Variants in POGZ observed in about 807,000 individuals in gnomAD.
POGZ encodes the protein pogo transposable element with ZNF domain.
A neutral mutation model predicts 134.6 loss-of-function variants in POGZ; 17 were observed. The observed-to-expected ratio is 0.13, with a 90% CI of 0.09 to 0.19. The LOEUF (loss-of-function observed/expected upper bound fraction) is 0.19. Ranked by LOEUF, POGZ falls within the 10% of genes least tolerant of loss-of-function variation. The pLI is 1.00. For synonymous variants in POGZ, 693 were observed against 657.1 expected (o/e 1.05, Z -0.84); for missense variants, 1,306 against 1,769.7 (o/e 0.74, Z 4.70).
At chr1:151,437,272 T>G (rs76725986) in intron 3 of POGZ, among the ~76,000 whole-genome samples, 23 of 151,218 alleles carry the variant, frequency 1.5e-4, no homozygotes, top group African/African-American at 2.9e-4. Flanking sequence ...TCCGTGTGTG[T>G]TTTTTTTTAA....
chr1:151,441,898 T>A (rs1013606595), intron 2 of POGZ, among the ~76,000 whole-genome samples, 183 bp downstream of exon 2: 1 of 152,200 alleles, frequency 6.6e-6, no homozygotes, highest in Non-Finnish European at 1.5e-5. Context: ...AGTTTCTAGC[T>A]ATATGGATGA....
At chr1:151,457,801 C>A (rs1236017758) in intron 1 of POGZ, among the ~76,000 whole-genome samples, 1 of 152,134 alleles carries the variant, frequency 6.6e-6, no homozygotes, top group Non-Finnish European at 1.5e-5. Flanking sequence ...GTAGCACATG[C>A]CTGTAATCCC....
At chr1:151,450,023 ATTTTT>A (rs1171783071) in intron 1 of POGZ, among the ~76,000 whole-genome samples, 11 of 74,326 alleles carry the variant, frequency 1.5e-4, no homozygotes, top group Middle Eastern at 0.011. Flanking sequence ...GTGAAACTTG[ATTTTT>A]TTTTTTTTTT....
At chr1:151,455,310 G>T (rs1027272111) in intron 1 of POGZ, 1 of 152,178 alleles carries the variant, frequency 6.6e-6, no homozygotes, top group Non-Finnish European at 1.5e-5. Flanking sequence ...ACTTCCTCAA[G>T]GTTACAGTTA....
At chr1:151,449,939 A>G (rs899212109) in intron 1 of POGZ, among the ~76,000 whole-genome samples, 5 of 150,678 alleles carry the variant, frequency 3.3e-5, no homozygotes, top group South Asian at 2.1e-4. Flanking sequence ...TCAAATGGTT[A>G]TATCTTGTAT....
At chr1:151,410,673 G>C (rs536056710) in intron 12 of POGZ, among the ~76,000 whole-genome samples, 1 of 152,160 alleles carries the variant, frequency 6.6e-6, no homozygotes, top group Non-Finnish European at 1.5e-5. Flanking sequence ...CTACAACCCA[G>C]AGTTCTCTCA....
intron 1 of POGZ, among the ~76,000 whole-genome samples, chr1:151,457,919 C>T: frequency 7.7e-6 from 1 of 129,630 alleles, no homozygotes; most frequent in East Asian, 2.1e-4. Context: ...AAGAGTGAAA[C>T]TTCGTCTCAA....
At chr1:151,426,511 G>T (rs1356404395) in intron 7 of POGZ, 1 of 152,050 alleles carries the variant, frequency 6.6e-6, no homozygotes, top group South Asian at 2.1e-4. Flanking sequence ...TTTTAAAAAG[G>T]TTGTTTGGGA....
rs1177289550 is a variant in POGZ at position 151,430,719 on chromosome 1, T to C, written c.406A>G (p.Asn136Asp). The change falls in exon 4 of 19, where the codon AAT (asparagine) becomes GAT (aspartate). Residue 136 changes from asparagine (N) to aspartate (D), a missense_variant. Asn to Asp is a conservative substitution (Grantham distance 23, BLOSUM62 1). Around this residue, in one of 10 missense-constraint regions of POGZ, gnomAD observed 541 missense variants for 680.5 expected, o/e 0.80. Transcript: ENST00000271715. ...GCCACAGGGGAACTAGTCACATGAT[T>C]GGCATTCTGCATGACCTGAACAGGC... ...LRPVQVMQNA[N>D]HVTSSPVASQ... The C allele has an allele frequency of 5.6e-6, 9 of 1,610,148 alleles. No individual in the cohort carries two copies. Among genetic ancestry groups the C allele is most frequent in the Non-Finnish European group, 6.8e-6 (8 of 1,178,350 alleles).
At position 151,403,654 on chromosome 1, in the gene POGZ, C is replaced by T. The variant is rs1653086054; in HGVS notation, c.*1148G>A. The T allele has an allele frequency of 1.0e-6, 1 of 984,292 alleles. No homozygotes were observed. The highest frequency in any genetic ancestry group is 1.7e-5 in the African/African-American group (1 of 57,198). The allele number at this position is 984,292 out of a possible 1,614,324, so 61.0% of individuals were successfully genotyped here. On this transcript the variant is annotated 3_prime_UTR_variant, in exon 19 of 19. Coordinates refer to ENST00000271715, the MANE Select transcript of POGZ (RefSeq NM_015100.4). ...TCATGTCATTTTCTTTGTGCACACC[C>T]CTGTGCGCTTCTTCCTGTCAGATTC...
At chr1:151,450,810 C>A (rs1025792614) in intron 1 of POGZ, 6 of 152,096 alleles carry the variant, frequency 3.9e-5, no homozygotes, top group African/African-American at 1.4e-4. Context: ...TTTCTATGTT[C>A]TTCCTCAAAA....
At chr1:151,415,564 G>A (rs1571378163) in intron 10 of POGZ, among the ~76,000 whole-genome samples, 1 of 151,732 alleles carries the variant, frequency 6.6e-6, no homozygotes, top group Admixed American at 6.6e-5. Flanking sequence ...CCAGCTACTC[G>A]GGAGGCTGAG....
intron 3 of POGZ, among the ~76,000 whole-genome samples, chr1:151,431,191 T>C (rs755094978): frequency 6.6e-6 from 1 of 152,072 alleles, no homozygotes; most frequent in Non-Finnish European, 1.5e-5. Context: ...AATCTACAAC[T>C]AACAGAAAAA....
Position 151,410,841 on chromosome 1 carries a change from G to A in POGZ, c.1926+784C>T, listed in dbSNP as rs188148376. On this transcript the variant is annotated intron_variant, in intron 12 of 18. Transcript: ENST00000271715. ...CTCATTCACCCAACTGCCCAAGACA[G>A]AATCTTAGGCACTATTCTTAACTAC... Among the ~76,000 whole-genome samples, 63 of 152,254 alleles carry A rather than the reference G, an allele frequency of 4.1e-4. No homozygotes were observed. In the East Asian group the frequency reaches 8.9e-3, roughly 21 times the overall value.
At chr1:151,444,323 C>T (rs1660970340) in intron 1 of POGZ, among the ~76,000 whole-genome samples, 1 of 152,190 alleles carries the variant, frequency 6.6e-6, no homozygotes, top group Non-Finnish European at 1.5e-5. Flanking sequence ...AAATCCATAT[C>T]ACAGGTATTC....
intron 7 of POGZ, chr1:151,427,387 G>A (rs1657963511): frequency 5.4e-6 from 1 of 185,582 alleles, no homozygotes; most frequent in Non-Finnish European, 1.2e-5. Context: ...TGCAACAGAG[G>A]CTATATATTG....
At chr1:151,432,184 G>A (rs1285162653) in intron 3 of POGZ, among the ~76,000 whole-genome samples, 1 of 151,838 alleles carries the variant, frequency 6.6e-6, no homozygotes, top group Non-Finnish European at 1.5e-5. Flanking sequence ...AACAACAACA[G>A]CAACAACAAC....
chr1:151,412,529 T>G, intron 10 of POGZ, 133 bp from the exon 11 acceptor site: 2 of 595,172 alleles, frequency 3.4e-6, no homozygotes, highest in Non-Finnish European at 6.0e-6. Flanking sequence ...CCTTCTGTTC[T>G]TTCTTTAAAT....
intron 11 of POGZ, 61 bp from the exon 12 acceptor site, chr1:151,411,832 A>G (rs774098363): frequency 6.9e-7 from 1 of 1,447,916 alleles, no homozygotes; most frequent in African/African-American, 1.5e-5. Flanking sequence ...GAGGCCTTAA[A>G]AAAAAAGGTA....
Sources: allele counts gnomAD v4.1 joint callset (sites outside exome capture counted in the v4.1 genomes callset), GRCh38; gene constraint gnomAD v4.1.1; regional missense constraint gnomAD v4.1.1; transcripts MANE v1.5; gene names NCBI Gene and HGNC (gene_info 2026-07-23, HGNC 2026-07-21).